The following PDE3A variants were observed in gnomAD, a reference collection of about 807,000 sequenced individuals.
The protein encoded by PDE3A is cGMP-inhibited 3',5'-cyclic phosphodiesterase 3A.
In PDE3A, 43 loss-of-function variants were observed where a neutral mutation model predicts 98.3. The ratio of observed to expected loss-of-function variants is 0.44; its 90% CI spans 0.34 to 0.56. The LOEUF (loss-of-function observed/expected upper bound fraction) is 0.56, where lower values mean the gene tolerates loss of function less well. Among genes scored for constraint, PDE3A ranks in the 20% least tolerant of loss-of-function variants. The pLI is 0.01. For synonymous variants in PDE3A, 663 were observed against 567.9 expected, an observed-to-expected ratio of 1.17 and a Z score of -2.38; for missense variants, 1,427 against 1,440.7, an observed-to-expected ratio of 0.99 and a Z score of 0.15.
At position 20,475,178 on chromosome 12, in the gene PDE3A, A is replaced by AGTGTGTGTGTGTGT. The variant is rs71442249; in HGVS notation, c.961-81455_961-81442dup. On this transcript the variant is annotated intron_variant, in intron 1 of 15. Coordinates refer to ENST00000359062, the MANE Select transcript of PDE3A (RefSeq NM_000921.5). ...TGTAGGAGAGGAAAAAATGTGTGTG[A>AGTGTGTGTGTGTGT]GTGTGTGTGTGTGTGTGTGTGTGTG... Among the ~76,000 whole-genome samples, 7 of 92,500 alleles carry AGTGTGTGTGTGTGT rather than the reference A, an allele frequency of 7.6e-5. No homozygotes were observed. The South Asian group carries it at 1.3e-3, about 17-fold the overall frequency. 60.7% of individuals were successfully genotyped at this position (92,500 alleles called of 152,430 possible).
At chr12:20,473,448 C>T (rs943101948) in intron 1 of PDE3A, among the ~76,000 whole-genome samples, 4 of 152,106 alleles carry the variant, frequency 2.6e-5, no homozygotes, top group South Asian at 2.1e-4. Flanking sequence ...AGGGATTACT[C>T]GGTTGTCCTA....
intron 1 of PDE3A, among the ~76,000 whole-genome samples, chr12:20,536,235 T>C (rs1460613726): frequency 6.6e-6 from 1 of 152,140 alleles, no homozygotes; most frequent in Non-Finnish European, 1.5e-5. Context: ...TTAGTTATAA[T>C]TCCCTACTCT....
chr12:20,558,110 T>C (rs187419451), intron 2 of PDE3A, among the ~76,000 whole-genome samples: 97 of 152,218 alleles, frequency 6.4e-4, no homozygotes, highest in African/African-American at 2.3e-3. Flanking sequence ...TAGAAAATTA[T>C]TGTTTAAGAT....
intron 1 of PDE3A, among the ~76,000 whole-genome samples, chr12:20,547,077 A>C (rs1565584628): frequency 6.6e-6 from 1 of 151,960 alleles, no homozygotes. Context: ...GAGCCTTTAC[A>C]TCTTCTATTT....
chr12:20,392,552 T>A (rs937101522), intron 1 of PDE3A, among the ~76,000 whole-genome samples: 13 of 137,674 alleles, frequency 9.4e-5, no homozygotes, highest in African/African-American at 3.9e-4. Context: ...AATAAATAAA[T>A]AAATAAAATC....
Position 20,555,191 on chromosome 12 carries a change from T to C in PDE3A, c.961-1469T>C, listed in dbSNP as rs1364685876. On this transcript the variant is annotated intron_variant, in intron 1 of 15. Coordinates refer to ENST00000359062, the MANE Select transcript of PDE3A (RefSeq NM_000921.5). ...GGTGCACACTACCACGCCTGGCTAATTTTTGTACTTTTAGTAGAGACAGGG... is the reference window on the plus strand; with the variant it reads ...GGTGCACACTACCACGCCTGGCTAACTTTTGTACTTTTAGTAGAGACAGGG... Among the ~76,000 whole-genome samples, 3 of 152,150 alleles carry C rather than the reference T, an allele frequency of 2.0e-5. No individual in the cohort carries two copies. In the East Asian group the frequency reaches 5.8e-4, roughly 29 times the overall value.
chr12:20,560,113 A>C (rs532919723), intron 2 of PDE3A, among the ~76,000 whole-genome samples: 7 of 152,210 alleles, frequency 4.6e-5, no homozygotes, highest in Non-Finnish European at 1.0e-4. Context: ...TTAAGTGACA[A>C]GTGAAGGTGA....
chr12:20,582,816 G>A (rs1006653430), intron 2 of PDE3A, among the ~76,000 whole-genome samples: 24 of 152,066 alleles, frequency 1.6e-4, no homozygotes, highest in African/African-American at 5.8e-4. Flanking sequence ...AATTTATGAT[G>A]GAGTATAGAG....
chr12:20,494,442 A>G (rs1279935901), intron 1 of PDE3A, among the ~76,000 whole-genome samples: 1 of 152,284 alleles, frequency 6.6e-6, no homozygotes, highest in East Asian at 1.9e-4. Context: ...TGGTCAGAGA[A>G]ACATAATTAT....
chr12:20,549,123 A>C lies in PDE3A; in HGVS notation c.961-7537A>C, dbSNP rs538206375. ...CTGTAATATTAAGTCAGTTTATCACACTATGAGTAGTTTTTTTTAATGGAT... is the reference window on the plus strand; with the variant it reads ...CTGTAATATTAAGTCAGTTTATCACCCTATGAGTAGTTTTTTTTAATGGAT... On this transcript the variant is annotated intron_variant, in intron 1 of 15. Coordinates refer to ENST00000359062, the MANE Select transcript of PDE3A (RefSeq NM_000921.5). 7.2e-5 allele frequency among the ~76,000 whole-genome samples: 11 copies of C among 152,218 alleles called. 1 individual carries two copies. Among genetic ancestry groups the C allele is most frequent in the African/African-American group, 2.6e-4 (11 of 41,560 alleles).
At chr12:20,582,153 C>A (rs188354541) in intron 2 of PDE3A, among the ~76,000 whole-genome samples, 26 of 151,498 alleles carry the variant, frequency 1.7e-4, no homozygotes, top group African/African-American at 5.1e-4. Flanking sequence ...AGGAAATATC[C>A]TTTTGTGGTT....
At chr12:20,513,267 T>C in intron 1 of PDE3A, among the ~76,000 whole-genome samples, 1 of 152,186 alleles carries the variant, frequency 6.6e-6, no homozygotes, top group Non-Finnish European at 1.5e-5. Context: ...CAGTAAACTA[T>C]GTTAATACAG....
At chr12:20,637,302 C>A in intron 9 of PDE3A, 65 bp downstream of exon 9, 1 of 1,268,318 alleles carries the variant, frequency 7.9e-7, no homozygotes, top group Non-Finnish European at 1.1e-6. Context: ...TTGCTTAAAG[C>A]TCTGTAAATT....
intron 1 of PDE3A, among the ~76,000 whole-genome samples, chr12:20,498,283 A>G (rs1166046693): frequency 6.6e-6 from 1 of 152,004 alleles, no homozygotes; most frequent in African/African-American, 2.4e-5. Context: ...CACCCCCCCA[A>G]CTGAAGGAAA....
rs554255545 is a variant in PDE3A, at chr12:20,685,385, G to C, written c.*5114G>C. On this transcript the variant is annotated 3_prime_UTR_variant, in exon 16 of 16. Transcript: ENST00000359062. ...GATTGCACCATTGCACTCCAGCCTG[G>C]GCAACAGGAGTTAAATTTTGCCTCA... Among the ~76,000 whole-genome samples the C allele has an allele frequency of 2.4e-3, 325 of 134,774 alleles. No homozygotes were observed. Among genetic ancestry groups the C allele is most frequent in the African/African-American group, 9.1e-3 (302 of 33,304 alleles). 88.4% of individuals were successfully genotyped at this position (134,774 alleles called of 152,430 possible).
chr12:20,477,560 A>C (rs1483530942), intron 1 of PDE3A, among the ~76,000 whole-genome samples: 3 of 152,294 alleles, frequency 2.0e-5, no homozygotes, highest in South Asian at 2.1e-4. Context: ...GAATAATTCG[A>C]TATCTGGCTT....
intron 13 of PDE3A, 39 bp downstream of exon 13, chr12:20,648,930 T>G (rs1565462559): frequency 8.7e-7 from 1 of 1,148,878 alleles, no homozygotes. Context: ...TCTTTTTCTT[T>G]TTTTTTTTTT....
rs551183367 is a variant in PDE3A, at chr12:20,621,805, T to C, written c.1540+394T>C. Among the ~76,000 whole-genome samples, 15 of 152,230 alleles carry C rather than the reference T, an allele frequency of 9.9e-5. 1 individual carries two copies. In the South Asian group the frequency reaches 3.1e-3, roughly 32 times the overall value. On this transcript the variant is annotated intron_variant, in intron 5 of 15. Transcript: ENST00000359062. ...AAGAAAGTGTTTTATTTACTACACA[T>C]GAGCTATGATAAGGAATTTAGATAT...
chr12:20,448,469 A>G (rs1425249716), intron 1 of PDE3A, among the ~76,000 whole-genome samples: 1 of 152,158 alleles, frequency 6.6e-6, no homozygotes, highest in Non-Finnish European at 1.5e-5. Context: ...GAAGAGGACA[A>G]TATTGTAACC....
Sources: allele counts gnomAD v4.1 joint callset (sites outside exome capture counted in the v4.1 genomes callset), GRCh38; gene constraint gnomAD v4.1.1; transcripts MANE v1.5; gene names NCBI Gene and HGNC (gene_info 2026-07-23, HGNC 2026-07-21).